The following CFAP47 variants were observed in gnomAD, a reference collection of about 807,000 sequenced individuals.
CFAP47 encodes cilia and flagella associated protein 47.
CFAP47 carries 29 observed loss-of-function variants against 148.1 expected under a neutral mutation model. The observed-to-expected ratio is 0.20, with a 90% CI of 0.15 to 0.27. CFAP47 has a LOEUF of 0.27. CFAP47 is among the 10% of genes least tolerant of loss of function. The probability of loss-of-function intolerance (pLI) is 1.00; values close to 1 mark genes in which losing one functional copy is unlikely to be tolerated. For synonymous variants in CFAP47, 664 were observed against 577.3 expected, an observed-to-expected ratio of 1.15 and a Z score of -2.15; for missense variants, 1,872 against 1,697.5, an observed-to-expected ratio of 1.10 and a Z score of -1.81.
chrX:36,298,725 T>C (rs1249504747), intron 51 of CFAP47, among the ~76,000 whole-genome samples: 1 of 111,270 alleles, frequency 9.0e-6, no homozygotes, highest in Non-Finnish European at 1.9e-5. Context: ...ATAGTTTTCA[T>C]CCATTTAGTT....
At chrX:36,234,295 T>C (rs1302183110) in intron 46 of CFAP47, among the ~76,000 whole-genome samples, 3 of 111,141 alleles carry the variant, frequency 2.7e-5, no homozygotes, top group Non-Finnish European at 1.9e-5. Context: ...CCCATATTTC[T>C]TGGAGGCTTT....
intron 50 of CFAP47, among the ~76,000 whole-genome samples, chrX:36,285,378 A>C (rs1271241717): frequency 8.9e-6 from 1 of 111,934 alleles, no homozygotes; most frequent in Non-Finnish European, 1.9e-5. Context: ...GGAAGAACTT[A>C]ATGAGTTACT....
At chrX:36,330,442 G>A (rs1556013858) in intron 57 of CFAP47, among the ~76,000 whole-genome samples, 3 of 111,728 alleles carry the variant, frequency 2.7e-5, no homozygotes, top group African/African-American at 9.8e-5. Context: ...GAGGGCAAGT[G>A]GAAATCCGAT....
chrX:36,068,322 T>C (rs1340015320), intron 27 of CFAP47, among the ~76,000 whole-genome samples: 1 of 112,279 alleles, frequency 8.9e-6, no homozygotes, highest in Non-Finnish European at 1.9e-5. Flanking sequence ...CTGCCTATTA[T>C]CAATGTCTTT....
At chrX:36,344,195 C>A (rs1941676770) in intron 57 of CFAP47, among the ~76,000 whole-genome samples, 1 of 92,188 alleles carries the variant, frequency 1.1e-5, no homozygotes, top group Admixed American at 1.4e-4. Context: ...CTAACCTGCA[C>A]AATGTGCACA....
chrX:36,095,052 A>G (rs1465660879), intron 30 of CFAP47, among the ~76,000 whole-genome samples: 1 of 111,210 alleles, frequency 9.0e-6, no homozygotes, highest in African/African-American at 3.3e-5. Flanking sequence ...TATTCCTTCC[A>G]TATCCAGTTT....
intron 37 of CFAP47, among the ~76,000 whole-genome samples, chrX:36,157,032 G>A (rs969793857): frequency 2.8e-5 from 3 of 108,762 alleles, no homozygotes; most frequent in South Asian, 4.1e-4. Flanking sequence ...GATCCAATCC[G>A]TTACCAGATC....
At chrX:36,217,501 G>A (rs1555990297) in intron 45 of CFAP47, among the ~76,000 whole-genome samples, 2 of 111,631 alleles carry the variant, frequency 1.8e-5, no homozygotes, top group Non-Finnish European at 3.8e-5. Context: ...GATAACCCCA[G>A]TGATAACTGT....
At chrX:36,078,287 C>A (rs112570410) in intron 29 of CFAP47, among the ~76,000 whole-genome samples, 2,807 of 110,535 alleles carry the variant, frequency 0.025, 90 homozygotes, top group African/African-American at 0.088. Context: ...AGATCTGTCT[C>A]ATATTGACAG....
intron 57 of CFAP47, among the ~76,000 whole-genome samples, chrX:36,333,367 A>T (rs1451648647): frequency 9.1e-6 from 1 of 109,564 alleles, no homozygotes; most frequent in African/African-American, 3.3e-5. Flanking sequence ...TTGGAACCTG[A>T]CTCTTCCCTG....
intron 26 of CFAP47, among the ~76,000 whole-genome samples, chrX:36,055,538 A>G (rs1937548326): frequency 1.8e-5 from 2 of 112,030 alleles, no homozygotes; most frequent in Admixed American, 1.9e-4. Flanking sequence ...TCCATGGTGT[A>G]TATGTACCAC....
At chrX:36,312,507 G>A (rs1385231838) in intron 56 of CFAP47, among the ~76,000 whole-genome samples, 1 of 110,986 alleles carries the variant, frequency 9.0e-6, no homozygotes, top group Admixed American at 9.6e-5. Context: ...CCAATTGTAG[G>A]GCACAGAATT....
intron 26 of CFAP47, among the ~76,000 whole-genome samples, chrX:36,056,701 T>A (rs1267462345): frequency 8.9e-6 from 1 of 112,671 alleles, no homozygotes; most frequent in Non-Finnish European, 1.9e-5. Flanking sequence ...TGCTTAGCTA[T>A]GTGAAATGCT....
intron 59 of CFAP47, among the ~76,000 whole-genome samples, chrX:36,353,158 C>T (rs1429131256): frequency 9.1e-6 from 1 of 110,176 alleles, no homozygotes; most frequent in Non-Finnish European, 1.9e-5. Context: ...TCACAATGAA[C>T]ATATATTTCA....
intron 1 of CFAP47, 75 bp downstream of exon 1, chrX:35,920,123 G>T (rs763358173): frequency 2.1e-5 from 22 of 1,066,593 alleles, no homozygotes; most frequent in East Asian, 3.1e-5. Context: ...TTTGCCCCAG[G>T]GAGTAGTCAT....
chrX:35,986,322 C>G (rs1936714419), intron 15 of CFAP47, among the ~76,000 whole-genome samples: 1 of 109,384 alleles, frequency 9.1e-6, no homozygotes, highest in East Asian at 2.9e-4. Flanking sequence ...TCTTTTTTCT[C>G]TAATCTTGTG....
At position 36,379,390 on chromosome X, in the gene CFAP47, G is replaced by A. The variant is rs782407454; in HGVS notation, c.9226G>A (p.Asp3076Asn). The A allele has an allele frequency of 2.1e-5, 24 of 1,165,699 alleles. No individual in the cohort carries two copies. In the South Asian group the frequency reaches 2.9e-4, roughly 14 times the overall value. ...PFTAHFLPGS[D>N]LEFFVKPQAG... ...CACCGCACACTTCCTACCTGGCAGC[G>A]ATCTGGAGTTTTTTGTAAAACCTCA... The change falls in exon 63 of 64, where the codon GAT (aspartate) becomes AAT (asparagine). Residue 3076 changes from aspartate (D) to asparagine (N), a missense_variant. Transcript: ENST00000378653.
chrX:36,310,758 T>C, intron 55 of CFAP47, 75 bp from the exon 56 acceptor site: 1 of 661,437 alleles, frequency 1.5e-6, no homozygotes, highest in Non-Finnish European at 2.2e-6. Context: ...TTTATATGCA[T>C]TATACTTATT....
At chrX:36,158,965 T>A (rs778937646) in intron 37 of CFAP47, among the ~76,000 whole-genome samples, 1 of 112,186 alleles carries the variant, frequency 8.9e-6, no homozygotes, top group East Asian at 2.8e-4. Context: ...TTATTCCTTT[T>A]TGTAATTAAT....
Sources: gnomAD v4.1 joint callset for allele counts (sites outside exome capture counted in the v4.1 genomes callset) on GRCh38, gnomAD v4.1.1 for gene constraint, MANE v1.5 for transcripts, NCBI Gene and HGNC (gene_info 2026-07-23, HGNC 2026-07-21) for gene names.